The following MARCHF1 variants were observed in gnomAD, a reference collection of about 807,000 sequenced individuals.
MARCHF1 encodes the protein membrane associated ring-CH-type finger 1.
In MARCHF1, 40 loss-of-function variants were observed where a neutral mutation model predicts 54.2. The ratio of observed to expected loss-of-function variants is 0.74; its 90% CI spans 0.57 to 0.96. MARCHF1 has a LOEUF of 0.96. Ranked by LOEUF, MARCHF1 falls within the 40% of genes least tolerant of loss-of-function variation. The pLI, the probability that MARCHF1 is intolerant of heterozygous loss-of-function variation, is 0.00. For missense variants in MARCHF1, 586 were observed against 656.5 expected (o/e 0.89, Z 1.17); for synonymous variants, 236 against 236.3 (o/e 1.00, Z 0.01).
At chr4:163,641,097 T>C (rs1381879278) in intron 5 of MARCHF1, among the ~76,000 whole-genome samples, 3 of 152,178 alleles carry the variant, frequency 2.0e-5, no homozygotes, top group Non-Finnish European at 2.9e-5. Flanking sequence ...AAGTCATTTT[T>C]AACATCTGGC....
chr4:163,610,318 C>G lies in MARCHF1; in HGVS notation c.1010+1953G>C, dbSNP rs1023190318. On this transcript the variant is annotated intron_variant, in intron 7 of 9. Transcript: ENST00000514618. ...ATCGAGTATAACATGCTGCCTGTAG[C>G]ATTTGCTTAGTTGGTATATTTTGAT... Among the ~76,000 whole-genome samples the G allele has an allele frequency of 2.0e-5, 3 of 152,026 alleles. No homozygotes were observed. In the East Asian group the frequency reaches 5.8e-4, roughly 29 times the overall value.
intron 4 of MARCHF1, among the ~76,000 whole-genome samples, chr4:163,724,979 G>T (rs1745607284): frequency 1.3e-5 from 2 of 152,068 alleles, no homozygotes; most frequent in Admixed American, 1.3e-4. Flanking sequence ...GCCTCGCCCT[G>T]TTTCAGCTCA....
At chr4:163,837,505 A>G (rs1038633119) in intron 4 of MARCHF1, among the ~76,000 whole-genome samples, 1 of 152,174 alleles carries the variant, frequency 6.6e-6, no homozygotes, top group African/African-American at 2.4e-5. Context: ...CATATCAAAC[A>G]AAACTTGTAA....
intron 5 of MARCHF1, among the ~76,000 whole-genome samples, chr4:163,630,173 A>T (rs1163441749): frequency 6.6e-6 from 1 of 152,250 alleles, no homozygotes; most frequent in Admixed American, 6.5e-5. Flanking sequence ...CAATAGGCCC[A>T]AACTGTAAAT....
At chr4:164,302,083 G>A (rs1265442352) in intron 1 of MARCHF1, among the ~76,000 whole-genome samples, 1 of 152,108 alleles carries the variant, frequency 6.6e-6, no homozygotes, top group East Asian at 1.9e-4. Context: ...TTTGACCAAT[G>A]GGCATTCAGA....
At chr4:163,663,804 T>TCA (rs1362365461) in intron 5 of MARCHF1, among the ~76,000 whole-genome samples, 1 of 152,070 alleles carries the variant, frequency 6.6e-6, no homozygotes, top group Non-Finnish European at 1.5e-5. Context: ...GAAGTGAGAA[T>TCA]CAAGTATATA....
intron 1 of MARCHF1, among the ~76,000 whole-genome samples, chr4:164,380,007 C>T (rs1731322508): frequency 6.7e-6 from 1 of 149,588 alleles, no homozygotes; most frequent in Non-Finnish European, 1.5e-5. Context: ...AACAAAAATG[C>T]TATACTTAGC....
intron 1 of MARCHF1, among the ~76,000 whole-genome samples, chr4:164,348,016 G>A (rs1262700075): frequency 6.6e-6 from 1 of 152,122 alleles, no homozygotes; most frequent in Non-Finnish European, 1.5e-5. Context: ...AGAAGGGAGG[G>A]CAGGCAGAAT....
chr4:164,071,953 A>G (rs534343379), intron 2 of MARCHF1, among the ~76,000 whole-genome samples: 3 of 152,316 alleles, frequency 2.0e-5, no homozygotes, highest in East Asian at 3.9e-4. Context: ...GTGCAGCAAA[A>G]AAGTAGAATT....
At chr4:163,917,716 C>T (rs530676590) in intron 3 of MARCHF1, among the ~76,000 whole-genome samples, 3 of 152,084 alleles carry the variant, frequency 2.0e-5, no homozygotes, top group East Asian at 1.9e-4. Flanking sequence ...ACAGATCAAC[C>T]CGTCACCTAG....
chr4:164,059,340 C>T (rs1754564360), intron 2 of MARCHF1, among the ~76,000 whole-genome samples: 1 of 152,120 alleles, frequency 6.6e-6, no homozygotes, highest in African/African-American at 2.4e-5. Flanking sequence ...TAGATTCTTT[C>T]TCTTAGCAAC....
intron 3 of MARCHF1, among the ~76,000 whole-genome samples, chr4:163,987,146 T>C (rs1383740822): frequency 6.6e-6 from 1 of 152,236 alleles, no homozygotes; most frequent in Non-Finnish European, 1.5e-5. Flanking sequence ...TTTCATATTC[T>C]AATAATCGCA....
intron 4 of MARCHF1, among the ~76,000 whole-genome samples, chr4:163,795,482 G>A (rs1747889181): frequency 6.6e-6 from 1 of 152,068 alleles, no homozygotes; most frequent in Admixed American, 6.6e-5. Flanking sequence ...CACCTGCCTT[G>A]GCCTCCCAAT....
At chr4:164,369,615 T>A (rs2110952282) in intron 1 of MARCHF1, among the ~76,000 whole-genome samples, 1 of 152,292 alleles carries the variant, frequency 6.6e-6, no homozygotes, top group South Asian at 2.1e-4. Flanking sequence ...ACATATGTAC[T>A]TATATACTAA....
intron 1 of MARCHF1, among the ~76,000 whole-genome samples, chr4:164,310,801 C>T (rs1734829348): frequency 6.6e-6 from 1 of 151,964 alleles, no homozygotes; most frequent in African/African-American, 2.4e-5. Flanking sequence ...AATAAGGTAA[C>T]TGGAAAATAT....
At chr4:164,078,085 T>A (rs1261160027) in intron 2 of MARCHF1, among the ~76,000 whole-genome samples, 4 of 152,180 alleles carry the variant, frequency 2.6e-5, no homozygotes, top group African/African-American at 9.7e-5. Context: ...TGCACACGTA[T>A]GTTTATTGCA....
chr4:164,145,711 T>C (rs546343722), intron 1 of MARCHF1, among the ~76,000 whole-genome samples: 1,512 of 150,470 alleles, frequency 0.01, 26 homozygotes, highest in African/African-American at 0.036. Context: ...CCACAGCCAA[T>C]ATCATACTGA....
At chr4:164,126,413 A>C (rs1359258388) in intron 1 of MARCHF1, among the ~76,000 whole-genome samples, 11 of 152,218 alleles carry the variant, frequency 7.2e-5, no homozygotes, top group Non-Finnish European at 1.2e-4. Context: ...TGTGAGGAAA[A>C]GAAATTCCTT....
chr4:164,018,128 T>C (rs1236013998), intron 2 of MARCHF1, among the ~76,000 whole-genome samples: 2 of 151,984 alleles, frequency 1.3e-5, no homozygotes, highest in Non-Finnish European at 2.9e-5. Context: ...AATTGAACTT[T>C]GCTTCACACG....
Sources: gnomAD v4.1 joint callset for allele counts (sites outside exome capture counted in the v4.1 genomes callset) on GRCh38, gnomAD v4.1.1 for gene constraint, MANE v1.5 for transcripts, NCBI Gene and HGNC (gene_info 2026-07-23, HGNC 2026-07-21) for gene names.